The following GAS6 variants were observed in gnomAD, a reference collection of about 807,000 sequenced individuals.
GAS6 encodes growth arrest-specific protein 6.
Under a neutral mutation model 75.8 loss-of-function variants are expected in GAS6, and 41 were observed. The ratio of observed to expected loss-of-function variants is 0.54; its 90% CI spans 0.42 to 0.70. GAS6 has a LOEUF of 0.70. Ranked by LOEUF, GAS6 falls within the 30% of genes least tolerant of loss-of-function variation. The pLI, the probability that GAS6 is intolerant of heterozygous loss-of-function variation, is 0.00. For missense variants in GAS6, 854 were observed against 940.2 expected, an observed-to-expected ratio of 0.91 and a Z score of 1.20; for synonymous variants, 432 against 412.6, an observed-to-expected ratio of 1.05 and a Z score of -0.57.
rs1483024655 is a variant in GAS6, at chr13:113,837,259, G to A, written c.589+810C>T. On this transcript the variant is annotated intron_variant, in intron 6 of 14. Transcript: ENST00000327773. This position sits in a 1 kb window ranked among gnomAD's most constrained non-coding sequence, Gnocchi z 5.1. ...ACCAAAGTGGACAGAAATAGCAGCT[G>A]CCTTTTGAAATCGGGGGATGGGGTG... 6.6e-6 allele frequency among the ~76,000 whole-genome samples: 1 copy of A among 152,072 alleles called. No individual in the cohort carries two copies. The highest frequency in any genetic ancestry group is 6.5e-5 in the Admixed American group (1 of 15,274).
In GAS6 at chr13:113,823,359, G is replaced by T. The variant is rs1484604981; in HGVS notation, c.1653+16C>A. On this transcript the variant is annotated intron_variant, in intron 13 of 14. Coordinates refer to ENST00000327773, the MANE Select transcript of GAS6 (RefSeq NM_000820.4). ...GGTCGAGCCGGTCAGGACGCCCTGG[G>T]TGGCGGAGGCCCTACCTGCTTCTTG... 2.4e-5 allele frequency: 39 copies of T among 1,599,852 alleles called. No homozygotes were observed. Among genetic ancestry groups the T allele is most frequent in the Non-Finnish European group, 3.3e-5 (39 of 1,171,340 alleles).
At position 113,863,005 on chromosome 13, in the gene GAS6, G is replaced by C. The variant is rs2051984989; in HGVS notation, c.255+570C>G. Among the ~76,000 whole-genome samples, 3 of 152,084 alleles carry C rather than the reference G, an allele frequency of 2.0e-5. No homozygotes were observed. Among genetic ancestry groups the C allele is most frequent in the South Asian group, 4.1e-4 (2 of 4,826 alleles). ...ATTCCTAACCGAGGTGCCGGGGCCA[G>C]CACCGTCGGGCTCCTGAAAGCACCC... On this transcript the variant is annotated intron_variant, in intron 2 of 14. Transcript: ENST00000327773. The surrounding 1 kb of genome is among the most constrained non-coding windows in gnomAD (Gnocchi z 9.4).
At chr13:113,843,220 G>A (rs181261891) in intron 4 of GAS6, 2 of 202,632 alleles carry the variant, frequency 9.9e-6, no homozygotes, top group Admixed American at 1.2e-4. Context: ...CTGGGCCTAG[G>A]GTATCGGTGG....
At chr13:113,834,509 C>G in intron 8 of GAS6, 42 bp downstream of exon 8, 4 of 1,464,432 alleles carry the variant, frequency 2.7e-6, no homozygotes, top group Non-Finnish European at 3.6e-6. Context: ...CGAGGGCCCC[C>G]GGAACCACCG....
chr13:113,821,111 C>T (rs7319509), intron 14 of GAS6, 93 bp from the exon 15 acceptor site: 102,476 of 1,393,264 alleles, frequency 0.074, 7,033 homozygotes, highest in African/African-American at 0.34. Flanking sequence ...TGGCCAGCCC[C>T]GGGTTCCCTC....
At chr13:113,840,037 C>A in intron 4 of GAS6, 187 bp from the exon 5 acceptor site, 1 of 772,268 alleles carries the variant, frequency 1.3e-6, no homozygotes. Context: ...AATAGGCTGG[C>A]GGGCCCTGGG....
At chr13:113,839,532 GCCCTGCTC>G in intron 5 of GAS6, 188 bp downstream of exon 5, 1 of 645,186 alleles carries the variant, frequency 1.5e-6, no homozygotes, top group Non-Finnish European at 2.5e-6. Context: ...TTTCCTTCCA[GCCCTGCTC>G]CCAGAAAGGA....
chr13:113,862,887 C>A lies in GAS6; in HGVS notation c.255+688G>T, dbSNP rs111731058. On this transcript the variant is annotated intron_variant, in intron 2 of 14. Coordinates refer to ENST00000327773, the MANE Select transcript of GAS6 (RefSeq NM_000820.4). ...CCTTCTCGGACTTTCCAAAGTCACC[C>A]GCTCCCGAGCCCGCAGGATAGAGTG... Among the ~76,000 whole-genome samples, 26 of 152,310 alleles carry A rather than the reference C, an allele frequency of 1.7e-4. 1 individual carries two copies. The highest frequency in any genetic ancestry group is 6.0e-4 in the African/African-American group (25 of 41,574).
chr13:113,833,134 C>T (rs1035852532), intron 8 of GAS6: 4 of 1,161,124 alleles, frequency 3.4e-6, no homozygotes, highest in Admixed American at 3.9e-5. Flanking sequence ...GGAAAGTTCC[C>T]TGTTCTGGGC....
intron 2 of GAS6, among the ~76,000 whole-genome samples, chr13:113,851,129 AAATG>A (rs1378007653): frequency 2.7e-5 from 4 of 147,518 alleles, no homozygotes; most frequent in African/African-American, 5.0e-5. Flanking sequence ...GTGGATGAGT[AAATG>A]AATGGAGATG....
rs1027998494 is a variant in GAS6 at position 113,837,186 on chromosome 13, C to T, written c.589+883G>A. On this transcript the variant is annotated intron_variant, in intron 6 of 14. Coordinates refer to ENST00000327773, the MANE Select transcript of GAS6 (RefSeq NM_000820.4). The surrounding 1 kb of genome is among the most constrained non-coding windows in gnomAD (Gnocchi z 5.1). ...GGTTTATGTGTTAAGATGGGAATCA[C>T]GTCATCTGCACACAGGGCTAACTCC... Among the ~76,000 whole-genome samples, 4 of 152,074 alleles carry T rather than the reference C, an allele frequency of 2.6e-5. No homozygotes were observed. Among genetic ancestry groups the T allele is most frequent in the South Asian group, 2.1e-4 (1 of 4,820 alleles).
chr13:113,821,936 G>A (rs1257735218), intron 14 of GAS6, 22 bp downstream of exon 14: 4 of 1,500,662 alleles, frequency 2.7e-6, no homozygotes, highest in Non-Finnish European at 3.6e-6. Context: ...CACCCGGGTT[G>A]AGCGGAGCAG....
At chr13:113,860,367 C>G (rs537032540) in intron 2 of GAS6, among the ~76,000 whole-genome samples, 6 of 152,324 alleles carry the variant, frequency 3.9e-5, no homozygotes, top group South Asian at 2.1e-4. Flanking sequence ...TTCCGGCAGG[C>G]AGGCCGGGGA....
In GAS6 at chr13:113,863,409, C is replaced by T. The variant is rs2051988872; in HGVS notation, c.255+166G>A. ...GGCCTGCGCGGGGATCCCGGGGTCG[C>T]CGGGGGATGGGCGTGGGGGACGCGG... is the stretch of plus-strand genomic sequence containing the variant. On this transcript the variant is annotated intron_variant, in intron 2 of 14. Transcript: ENST00000327773. This position sits in a 1 kb window ranked among gnomAD's most constrained non-coding sequence, Gnocchi z 9.4. Among the ~76,000 whole-genome samples the T allele has an allele frequency of 6.6e-6, 1 of 152,104 alleles. No homozygotes were observed. The highest frequency in any genetic ancestry group is 6.5e-5 in the Admixed American group (1 of 15,278).
chr13:113,843,451 G>A (rs995916202), intron 4 of GAS6: 1 of 151,300 alleles, frequency 6.6e-6, no homozygotes, highest in African/African-American at 2.5e-5. Context: ...CCCGTGGCGG[G>A]GGTGGGATCC....
At chr13:113,840,195 C>T (rs2138645699) in intron 4 of GAS6, 1 of 278,526 alleles carries the variant, frequency 3.6e-6, no homozygotes, top group East Asian at 1.1e-4. Context: ...CACAGAACCC[C>T]CAGCTGACCT....
chr13:113,838,202 G>A lies in GAS6; in HGVS notation c.467-11C>T. The A allele has an allele frequency of 6.2e-7, 1 of 1,612,022 alleles. No individual in the cohort carries two copies. The highest frequency in any genetic ancestry group is 2.2e-5 in the East Asian group (1 of 44,870). On this transcript the variant is annotated splice_polypyrimidine_tract_variant and intron_variant, in intron 5 of 14. Coordinates refer to ENST00000327773, the MANE Select transcript of GAS6 (RefSeq NM_000820.4). ...TGCATTCGTTGACATCTGGGAACAAGCACAGGCCTGAAGGGGAGCCCAAGG... is the reference window on the plus strand; with the variant it reads ...TGCATTCGTTGACATCTGGGAACAAACACAGGCCTGAAGGGGAGCCCAAGG...
chr13:113,847,396 C>G (rs537602589), intron 3 of GAS6, among the ~76,000 whole-genome samples: 1 of 152,346 alleles, frequency 6.6e-6, no homozygotes, highest in African/African-American at 2.4e-5. Context: ...GAATACATTT[C>G]TCTCCTTCTA....
In GAS6 at chr13:113,822,006, C is replaced by T. The variant is rs73583241; in HGVS notation, c.1834G>A (p.Glu612Lys). ...AGCACGGGGCTCCGCAGGTGCCTCT[C>T]GAGCACGGCCAGCCTCTCCTGCAGC... ...AQLQERLAVLERHLRSPVLTF... is the reference protein window; with the variant it reads ...AQLQERLAVLKRHLRSPVLTF... Residue 612 changes from glutamate to lysine, a missense_variant, in exon 14 of 15, where the codon GAG becomes AAG. Physicochemically the swap from Glu to Lys is moderately conservative, Grantham distance 56 (BLOSUM62 1). Transcript: ENST00000327773. The T allele has an allele frequency of 2.5e-3, 3,921 of 1,556,086 alleles. 81 individuals carry two copies. In the African/African-American group the frequency reaches 0.046, roughly 18 times the overall value.
Sources: gnomAD v4.1 joint callset for allele counts (sites outside exome capture counted in the v4.1 genomes callset) on GRCh38, gnomAD v4.1.1 for gene constraint, Gnocchi (gnomAD v3.1) non-coding constraint, MANE v1.5 for transcripts, NCBI Gene and HGNC (gene_info 2026-07-23, HGNC 2026-07-21) for gene names.